Variants in TMEM178B observed in about 807,000 individuals in gnomAD.
TMEM178B encodes the protein transmembrane protein 178B.
A neutral mutation model predicts 31.0 loss-of-function variants in TMEM178B; 5 were observed. The ratio of observed to expected loss-of-function variants is 0.16; its 90% CI spans 0.08 to 0.34. The LOEUF is 0.34. TMEM178B is among the 10% of genes least tolerant of loss of function. The pLI, the probability that TMEM178B is intolerant of heterozygous loss-of-function variation, is 1.00. For missense variants in TMEM178B, 275 were observed against 400.3 expected (o/e 0.69, Z 2.67); for synonymous variants, 164 against 164.0 (o/e 1.00, Z 0.00).
At chr7:141,325,341 C>T (rs1015611971) in intron 2 of TMEM178B, among the ~76,000 whole-genome samples, 1 of 152,206 alleles carries the variant, frequency 6.6e-6, no homozygotes, top group South Asian at 2.1e-4. Flanking sequence ...AAAAGCATCT[C>T]GAGGAAGAAA....
chr7:141,369,957 T>C (rs1800083991), intron 2 of TMEM178B, among the ~76,000 whole-genome samples: 1 of 152,114 alleles, frequency 6.6e-6, no homozygotes, highest in Non-Finnish European at 1.5e-5. Context: ...TTGCTGCTTA[T>C]TTTGTTTCTC....
intron 1 of TMEM178B, among the ~76,000 whole-genome samples, chr7:141,169,011 C>T (rs1160813168): frequency 7.9e-5 from 12 of 152,180 alleles, no homozygotes; most frequent in Admixed American, 7.9e-4. Flanking sequence ...CTGATCTCCT[C>T]TTTTAAAAAT....
chr7:141,162,156 G>A (rs1026059220), intron 1 of TMEM178B, among the ~76,000 whole-genome samples: 1 of 152,208 alleles, frequency 6.6e-6, no homozygotes, highest in South Asian at 2.1e-4. Context: ...CTGCAGAGAA[G>A]CCTAGAACAA....
intron 1 of TMEM178B, among the ~76,000 whole-genome samples, chr7:141,162,096 C>A (rs1156725561): frequency 6.6e-6 from 1 of 152,180 alleles, no homozygotes; most frequent in East Asian, 1.9e-4. Context: ...CCTTTCTCCA[C>A]CTGCAGGGCT....
intron 2 of TMEM178B, among the ~76,000 whole-genome samples, chr7:141,231,890 G>A (rs1035911460): frequency 1.3e-5 from 2 of 152,124 alleles, no homozygotes; most frequent in East Asian, 1.9e-4. Context: ...TTGCCAAACC[G>A]ATCAACCCCT....
intron 3 of TMEM178B, among the ~76,000 whole-genome samples, chr7:141,444,762 T>C (rs1047397508): frequency 2.6e-5 from 4 of 152,116 alleles, no homozygotes; most frequent in Non-Finnish European, 2.9e-5. Context: ...CCCAGCCTGC[T>C]TTCTTGCATC....
chr7:141,264,755 A>G (rs1292791008), intron 2 of TMEM178B, among the ~76,000 whole-genome samples: 1 of 152,222 alleles, frequency 6.6e-6, no homozygotes, highest in African/African-American at 2.4e-5. Context: ...TCACAGTTGG[A>G]AATAACTTGC....
chr7:141,116,518 CT>C (rs1035563907), intron 1 of TMEM178B, among the ~76,000 whole-genome samples: 151 of 145,304 alleles, frequency 1.0e-3, no homozygotes, highest in Middle Eastern at 7.1e-3. Context: ...AACTTGGAGA[CT>C]TTTTTTTTTT....
chr7:141,244,161 T>A (rs1203090285), intron 2 of TMEM178B, among the ~76,000 whole-genome samples: 1 of 152,234 alleles, frequency 6.6e-6, no homozygotes, highest in Non-Finnish European at 1.5e-5. Flanking sequence ...CATTTACTTA[T>A]GTGCCAGGGT....
chr7:141,494,729 C>G, the TMEM178B span, among the ~76,000 whole-genome samples: 72 of 152,122 alleles, frequency 4.7e-4, no homozygotes, highest in Non-Finnish European at 7.5e-4. Flanking sequence ...TGTAGTAAAA[C>G]CTCGTCTCTA....
Position 141,376,636 on chromosome 7 carries a change from G to A in TMEM178B, c.497-60972G>A, listed in dbSNP as rs4726449. Among the ~76,000 whole-genome samples the A allele has an allele frequency of 6.6e-3, 1,000 of 152,302 alleles. 3 individuals are homozygous for A. Among genetic ancestry groups the A allele is most frequent in the Middle Eastern group, 0.01 (3 of 294 alleles). ...AGAGAAACAAGCTCAGCATCACCAC[G>A]AAGAAGCAATCACACAAATCCAATA... On this transcript the variant is annotated intron_variant, in intron 2 of 3. Coordinates refer to ENST00000565468, the MANE Select transcript of TMEM178B (RefSeq NM_001195278.2).
chr7:141,077,641 G>C (rs972188476), intron 1 of TMEM178B, among the ~76,000 whole-genome samples: 2 of 152,130 alleles, frequency 1.3e-5, no homozygotes, highest in Non-Finnish European at 2.9e-5. Flanking sequence ...GTTCCTAGAG[G>C]TCAGGAAAGA....
chr7:141,096,497 C>T (rs1794962791), intron 1 of TMEM178B, among the ~76,000 whole-genome samples: 1 of 152,194 alleles, frequency 6.6e-6, no homozygotes, highest in African/African-American at 2.4e-5. Context: ...TGTCAGAAAA[C>T]AGTGACCTCC....
chr7:141,091,954 C>T (rs1794888045), intron 1 of TMEM178B, among the ~76,000 whole-genome samples: 1 of 152,164 alleles, frequency 6.6e-6, no homozygotes, highest in Non-Finnish European at 1.5e-5. Context: ...CCTCGAACTC[C>T]TGACCTCAAG....
At chr7:141,181,059 T>C (rs1223075325) in intron 1 of TMEM178B, among the ~76,000 whole-genome samples, 2 of 152,296 alleles carry the variant, frequency 1.3e-5, no homozygotes, top group East Asian at 3.9e-4. Flanking sequence ...AGTATGATAG[T>C]GAACTGCATA....
intron 2 of TMEM178B, among the ~76,000 whole-genome samples, chr7:141,391,367 T>C (rs1045869432): frequency 1.3e-5 from 2 of 152,098 alleles, no homozygotes; most frequent in Non-Finnish European, 2.9e-5. Flanking sequence ...GTTTTCACCA[T>C]GTTGTTCAGA....
chr7:141,364,487 C>T (rs1186566451), intron 2 of TMEM178B, among the ~76,000 whole-genome samples: 8 of 151,774 alleles, frequency 5.3e-5, no homozygotes, highest in Non-Finnish European at 7.4e-5. Flanking sequence ...GGTGAAACCC[C>T]GTCTCTACCC....
intron 2 of TMEM178B, among the ~76,000 whole-genome samples, chr7:141,238,686 G>A (rs1315490687): frequency 6.6e-6 from 1 of 152,202 alleles, no homozygotes; most frequent in Admixed American, 6.5e-5. Flanking sequence ...ACGCGGCTGG[G>A]GGCAGCCCCT....
At chr7:141,106,599 C>T (rs1795151628) in intron 1 of TMEM178B, among the ~76,000 whole-genome samples, 1 of 152,192 alleles carries the variant, frequency 6.6e-6, no homozygotes, top group South Asian at 2.1e-4. Flanking sequence ...AGCCTTCTTT[C>T]TTCCTCAGGC....
Sources: allele counts gnomAD v4.1 joint callset (sites outside exome capture counted in the v4.1 genomes callset), GRCh38; gene constraint gnomAD v4.1.1; transcripts MANE v1.5; gene names NCBI Gene and HGNC (gene_info 2026-07-23, HGNC 2026-07-21).